The following ZNF207 variants were observed in gnomAD, a reference collection of about 807,000 sequenced individuals.
ZNF207 encodes zinc finger protein 207.
ZNF207 carries 24 observed loss-of-function variants against 60.2 expected under a neutral mutation model. The observed-to-expected ratio is 0.40, with a 90% CI of 0.29 to 0.56. The LOEUF is 0.56. Among genes scored for constraint, ZNF207 ranks in the 20% least tolerant of loss-of-function variants. ZNF207 has a pLI of 0.49. For missense variants in ZNF207, 452 were observed against 636.6 expected, an observed-to-expected ratio of 0.71 and a Z score of 3.12; for synonymous variants, 236 against 194.7, an observed-to-expected ratio of 1.21 and a Z score of -1.77.
intron 2 of ZNF207, among the ~76,000 whole-genome samples, chr17:32,353,296 C>T (rs1904313754): frequency 6.6e-6 from 1 of 151,978 alleles, no homozygotes; most frequent in Admixed American, 6.6e-5. Flanking sequence ...CAACATTATT[C>T]TACTTTGCTT....
chr17:32,365,537 A>T, intron 8 of ZNF207, 50 bp downstream of exon 8: 2 of 1,541,558 alleles, frequency 1.3e-6, no homozygotes, highest in Non-Finnish European at 1.7e-6. Context: ...AAGATAAAGT[A>T]CAGTTGTTTA....
At chr17:32,358,453 G>A in intron 2 of ZNF207, 50 bp from the exon 3 acceptor site, 1 of 1,492,484 alleles carries the variant, frequency 6.7e-7, no homozygotes, top group Non-Finnish European at 8.9e-7. Flanking sequence ...TGATTAACTT[G>A]GAATTATTCT....
At chr17:32,356,107 A>C (rs539270215) in intron 2 of ZNF207, among the ~76,000 whole-genome samples, 2 of 152,300 alleles carry the variant, frequency 1.3e-5, no homozygotes, top group East Asian at 3.9e-4. Context: ...AATCATACCA[A>C]TTTTATAGAT....
At chr17:32,359,120 GT>G (rs1904713191) in intron 3 of ZNF207, among the ~76,000 whole-genome samples, 1 of 149,130 alleles carries the variant, frequency 6.7e-6, no homozygotes, top group African/African-American at 2.5e-5. Flanking sequence ...GTTTGTTTTT[GT>G]TTTTGTTTTG....
chr17:32,376,388 CT>C lies in ZNF207; in HGVS notation c.*6631del, dbSNP rs1905676159. 2 of 152,070 alleles carry C rather than the reference CT, an allele frequency of 1.3e-5. No homozygotes were observed. Among genetic ancestry groups the C allele is most frequent in the Admixed American group, 6.5e-5 (1 of 15,268 alleles). The allele number at this position is 152,070 out of a possible 1,614,324, so 9.4% of individuals were successfully genotyped here. A position where few individuals can be genotyped will look rare whatever the true frequency, so the allele number is the denominator to read the frequency against. Reference sequence around the variant, plus strand: ...TTTTAATAAGTATATTTTTCTTGCTCTTGGCTCTATACATTTTTGCATAATA... The same window carrying C: ...TTTTAATAAGTATATTTTTCTTGCTCTGGCTCTATACATTTTTGCATAATA... On this transcript the variant is annotated 3_prime_UTR_variant, in exon 12 of 12. Transcript: ENST00000394670.
Position 32,368,095 on chromosome 17 carries a change from T to C in ZNF207, c.1164+81T>C. On this transcript the variant is annotated intron_variant, in intron 10 of 11. Transcript: ENST00000394670. ...TTCGTCCCTTTAAAATAAGTGTTCA[T>C]TTGTACTCAGATGGTCTGTGATCTG... 9.6e-6 allele frequency: 15 copies of C among 1,564,456 alleles called. 1 individual carries two copies. In the South Asian group the frequency reaches 1.7e-4, roughly 17 times the overall value.
At chr17:32,362,659 T>C in intron 6 of ZNF207, 1 of 368,120 alleles carries the variant, frequency 2.7e-6, no homozygotes, top group Non-Finnish European at 4.9e-6. Context: ...AGTATATTTG[T>C]TCTCAAATGA....
intron 7 of ZNF207, among the ~76,000 whole-genome samples, chr17:32,364,160 G>A (rs1327216831): frequency 6.6e-6 from 1 of 151,360 alleles, no homozygotes; most frequent in Non-Finnish European, 1.5e-5. Flanking sequence ...GTGAGCCTCA[G>A]CACCTGGCCT....
chr17:32,362,237 C>G (rs957641347), intron 6 of ZNF207, among the ~76,000 whole-genome samples: 27 of 152,118 alleles, frequency 1.8e-4, no homozygotes, highest in African/African-American at 5.8e-4. Flanking sequence ...CTTACTGCAG[C>G]CTTGACCTCC....
At chr17:32,364,059 G>T (rs1000855206) in intron 7 of ZNF207, among the ~76,000 whole-genome samples, 1 of 149,622 alleles carries the variant, frequency 6.7e-6, no homozygotes, top group Non-Finnish European at 1.5e-5. Context: ...TTGAGACAGG[G>T]TGTTGGTCTG....
At chr17:32,358,359 C>A in intron 2 of ZNF207, 144 bp from the exon 3 acceptor site, 1 of 596,620 alleles carries the variant, frequency 1.7e-6, no homozygotes, top group South Asian at 3.7e-5. Context: ...TGCTTAATGT[C>A]ACAGAGCTAG....
At chr17:32,364,283 G>A (rs960086180) in intron 7 of ZNF207, among the ~76,000 whole-genome samples, 2 of 151,838 alleles carry the variant, frequency 1.3e-5, no homozygotes, top group Admixed American at 6.6e-5. Flanking sequence ...GGCCTATAAA[G>A]CAGGAAATAC....
chr17:32,351,577 G>T, intron 1 of ZNF207: 1 of 1,533,720 alleles, frequency 6.5e-7, no homozygotes, highest in Non-Finnish European at 8.7e-7. Context: ...TTTTTGGGGT[G>T]GTGAAGAGAG....
In ZNF207 at chr17:32,378,697, A is replaced by T. The variant is rs1366072680; in HGVS notation, c.*8938A>T. ...GTGGAAAATGTGTTTTAACATTTTTATTTTTTTTTTATTCTACCCGAGTTC... is the reference window on the plus strand; with the variant it reads ...GTGGAAAATGTGTTTTAACATTTTTTTTTTTTTTTTATTCTACCCGAGTTC... On this transcript the variant is annotated 3_prime_UTR_variant, in exon 12 of 12. Coordinates refer to ENST00000394670, the MANE Select transcript of ZNF207 (RefSeq NM_001098507.2). 3.3e-5 allele frequency: 5 copies of T among 149,476 alleles called. No individual in the cohort carries two copies. In the East Asian group the frequency reaches 9.8e-4, roughly 29 times the overall value. The allele number at this position is 149,476 out of a possible 1,614,324, so 9.3% of individuals were successfully genotyped here. A position where few individuals can be genotyped will look rare whatever the true frequency, so the allele number is the denominator to read the frequency against.
At chr17:32,364,121 C>CT (rs1427554340) in intron 7 of ZNF207, among the ~76,000 whole-genome samples, 2 of 151,972 alleles carry the variant, frequency 1.3e-5, no homozygotes, top group Admixed American at 1.3e-4. Flanking sequence ...CAGCCGCAGC[C>CT]TCCCAAAGTG....
chr17:32,358,377 C>G (rs1348543436), intron 2 of ZNF207, 126 bp from the exon 3 acceptor site: 1 of 846,178 alleles, frequency 1.2e-6, no homozygotes, highest in African/African-American at 1.8e-5. Flanking sequence ...TAGTGAATGG[C>G]AAAACTGGGA....
chr17:32,352,542 T>G (rs1386862976), intron 2 of ZNF207, among the ~76,000 whole-genome samples: 1 of 152,146 alleles, frequency 6.6e-6, no homozygotes, highest in Non-Finnish European at 1.5e-5. Context: ...GGATCAGCGA[T>G]TTAGATTTTG....
chr17:32,357,789 C>A (rs1461339976), intron 2 of ZNF207, among the ~76,000 whole-genome samples: 1 of 151,996 alleles, frequency 6.6e-6, no homozygotes, highest in Non-Finnish European at 1.5e-5. Context: ...GTGTGCACCA[C>A]CACGCCCTGC....
At chr17:32,356,998 A>C (rs574155498) in intron 2 of ZNF207, among the ~76,000 whole-genome samples, 158 of 152,226 alleles carry the variant, frequency 1.0e-3, no homozygotes, top group African/African-American at 3.3e-3. Flanking sequence ...CCTGGGGAAC[A>C]TAACAAAACT....
Sources: allele counts gnomAD v4.1 joint callset (sites outside exome capture counted in the v4.1 genomes callset), GRCh38; gene constraint gnomAD v4.1.1; transcripts MANE v1.5; gene names NCBI Gene and HGNC (gene_info 2026-07-23, HGNC 2026-07-21).